Variants in CTTNBP2 observed in about 807,000 individuals in gnomAD.
CTTNBP2 encodes cortactin binding protein 2.
Under a neutral mutation model 156.9 loss-of-function variants are expected in CTTNBP2, and 108 were observed. That is an observed-to-expected ratio of 0.69 (90% CI 0.59 to 0.81). CTTNBP2 has a LOEUF of 0.81. Among genes scored for constraint, CTTNBP2 ranks in the 30% least tolerant of loss-of-function variants. The pLI is 0.00. For missense variants in CTTNBP2, 1,924 were observed against 2,035.4 expected (o/e 0.95, Z 1.05); for synonymous variants, 767 against 751.8 (o/e 1.02, Z -0.33).
intron 2 of CTTNBP2, among the ~76,000 whole-genome samples, chr7:117,832,716 T>C (rs2117085852): frequency 6.7e-6 from 1 of 150,346 alleles, no homozygotes; most frequent in Non-Finnish European, 1.5e-5. Context: ...CCAATCAATC[T>C]ATAGCCCTTC....
intron 8 of CTTNBP2, among the ~76,000 whole-genome samples, chr7:117,771,981 C>T (rs192535605): frequency 7.3e-4 from 111 of 152,172 alleles, no homozygotes; most frequent in African/African-American, 2.5e-3. Flanking sequence ...GCACATTGGC[C>T]GGTCACACGT....
chr7:117,712,884 A>G (rs1284290140), intron 22 of CTTNBP2, among the ~76,000 whole-genome samples: 1 of 152,056 alleles, frequency 6.6e-6, no homozygotes, highest in Non-Finnish European at 1.5e-5. Flanking sequence ...CTTTTTCTCC[A>G]TTGAGCAATT....
chr7:117,813,737 A>G (rs755336084), intron 2 of CTTNBP2, among the ~76,000 whole-genome samples: 9 of 152,138 alleles, frequency 5.9e-5, no homozygotes, highest in Non-Finnish European at 8.8e-5. Flanking sequence ...GTCATTCAAA[A>G]GTCTCTCTGA....
chr7:117,788,859 G>A (rs1388415013), intron 4 of CTTNBP2, among the ~76,000 whole-genome samples: 2 of 152,068 alleles, frequency 1.3e-5, no homozygotes, highest in Non-Finnish European at 2.9e-5. Context: ...ATAGAAACTG[G>A]TTATTCTACC....
At chr7:117,851,361 T>A (rs913250918) in intron 2 of CTTNBP2, among the ~76,000 whole-genome samples, 1 of 152,062 alleles carries the variant, frequency 6.6e-6, no homozygotes, top group Non-Finnish European at 1.5e-5. Context: ...TCTATTCAAG[T>A]CCTGTTAATA....
chr7:117,872,016 G>A (rs1490995737), intron 1 of CTTNBP2: 2 of 958,058 alleles, frequency 2.1e-6, no homozygotes. Context: ...CACATAAGTG[G>A]GCAGGTTTCG....
At chr7:117,825,932 T>A (rs1161760319) in intron 2 of CTTNBP2, among the ~76,000 whole-genome samples, 1 of 152,156 alleles carries the variant, frequency 6.6e-6, no homozygotes, top group Admixed American at 6.5e-5. Context: ...AAATGGGAAA[T>A]GGGAAGCCAC....
rs768638495 is a variant in CTTNBP2 at position 117,735,018 on chromosome 7, G to C, written c.3771C>G (p.Ser1257=). ...GTIAKACLQG[S]DLLVQQHFRW... is the part of the protein sequence containing the mutation. ...GGAAATGCTGCTGCACCAGCAAGTC[G>C]GAGCCCTGGAGACAGGCCTTGGCGA... The change falls in exon 16 of 23, where the codon TCC becomes TCG. Residue 1257 remains serine (S), a synonymous_variant. Transcript: ENST00000160373. The C allele has an allele frequency of 9.3e-6, 15 of 1,614,200 alleles. No homozygotes were observed. The highest frequency in any genetic ancestry group is 1.3e-5 in the Non-Finnish European group (15 of 1,180,028).
Position 117,725,138 on chromosome 7 carries a change from C to T in CTTNBP2, c.4175G>A (p.Ser1392Asn). 2 of 1,613,566 alleles carry T rather than the reference C, an allele frequency of 1.2e-6. No individual in the cohort carries two copies. The highest frequency in any genetic ancestry group is 1.8e-4 in the Middle Eastern group (1 of 5,558). ...FGQTTAKRHP[S>N]QGQQAVVKAA... Reference sequence around the variant, plus strand: ...TTTGACCACAGCCTGCTGTCCTTGGCTAGGGTGTCTTTTAGCAGTTGTCTG... The same window carrying T: ...TTTGACCACAGCCTGCTGTCCTTGGTTAGGGTGTCTTTTAGCAGTTGTCTG... The change falls in exon 18 of 23, where the codon AGC becomes AAC. Residue 1392 changes from serine (S) to asparagine (N), a missense_variant. Physicochemically the swap from Ser to Asn is conservative, Grantham distance 46 (BLOSUM62 1). Coordinates refer to ENST00000160373, the MANE Select transcript of CTTNBP2 (RefSeq NM_033427.3).
At chr7:117,856,698 GA>G (rs931769955) in intron 2 of CTTNBP2, among the ~76,000 whole-genome samples, 12 of 152,074 alleles carry the variant, frequency 7.9e-5, no homozygotes, top group African/African-American at 2.9e-4. Context: ...AATCTAAAAG[GA>G]AAAAGGCACA....
chr7:117,774,015 A>G (rs1797959909), intron 8 of CTTNBP2, among the ~76,000 whole-genome samples: 1 of 152,178 alleles, frequency 6.6e-6, no homozygotes, highest in African/African-American at 2.4e-5. Context: ...GCAATCTCCT[A>G]AATTTGTTTC....
At chr7:117,744,760 G>C (rs1248286323) in intron 14 of CTTNBP2, among the ~76,000 whole-genome samples, 1 of 152,084 alleles carries the variant, frequency 6.6e-6, no homozygotes, top group Non-Finnish European at 1.5e-5. Flanking sequence ...AGCTGGAAGT[G>C]CTGGGGCGTG....
chr7:117,735,248 TG>T lies in CTTNBP2; in HGVS notation c.3688+20del. The T allele has an allele frequency of 6.2e-7, 1 of 1,608,972 alleles. No individual in the cohort carries two copies. Among genetic ancestry groups the T allele is most frequent in the Non-Finnish European group, 8.5e-7 (1 of 1,178,830 alleles). ...TATTACAGAAGCTTGCTTCTCAGCA[TG>T]GTCCCTTTATTAGCGTTACCTTTTT... On this transcript the variant is annotated intron_variant, in intron 15 of 22. Coordinates refer to ENST00000160373, the MANE Select transcript of CTTNBP2 (RefSeq NM_033427.3).
chr7:117,771,550 T>A (rs1170912409), intron 8 of CTTNBP2, among the ~76,000 whole-genome samples: 1 of 152,096 alleles, frequency 6.6e-6, no homozygotes, highest in South Asian at 2.1e-4. Context: ...CATGAGGATG[T>A]GTTTGGGAAG....
rs778987893 is a variant in CTTNBP2, at chr7:117,873,407, C to T, written c.9G>A (p.Thr3=). The stretch of plus-strand genomic sequence containing the variant: ...AGTCGGGCTCGCAGCTCGCGCCGTC[C>T]GTCGCCATCTTCCTGCTCTAGCGGA... MA[T]DGASCEPDLS... Residue 3 remains threonine (T), a synonymous_variant, in exon 1 of 23, where the codon ACG becomes ACA. Coordinates refer to ENST00000160373, the MANE Select transcript of CTTNBP2 (RefSeq NM_033427.3). The T allele has an allele frequency of 1.7e-5, 25 of 1,495,946 alleles. No homozygotes were observed. Among genetic ancestry groups the T allele is most frequent in the Admixed American group, 1.1e-4 (5 of 46,680 alleles). 92.7% of individuals were successfully genotyped at this position (1,495,946 alleles called of 1,614,324 possible).
At chr7:117,819,818 G>A (rs894977052) in intron 2 of CTTNBP2, among the ~76,000 whole-genome samples, 2 of 152,156 alleles carry the variant, frequency 1.3e-5, no homozygotes, top group Non-Finnish European at 2.9e-5. Flanking sequence ...TGGAGGTGTG[G>A]AAATTGTCAT....
At chr7:117,796,017 G>A (rs933717570) in intron 3 of CTTNBP2, among the ~76,000 whole-genome samples, 1 of 152,094 alleles carries the variant, frequency 6.6e-6, no homozygotes, top group African/African-American at 2.4e-5. Context: ...CCACTCAACT[G>A]ACTTAGTCTC....
At chr7:117,739,963 T>G (rs1397359339) in intron 14 of CTTNBP2, among the ~76,000 whole-genome samples, 1 of 151,834 alleles carries the variant, frequency 6.6e-6, no homozygotes, top group African/African-American at 2.4e-5. Context: ...TAGTGTTTAA[T>G]TTTTTTTTCT....
intron 3 of CTTNBP2, among the ~76,000 whole-genome samples, chr7:117,794,877 C>CTTTTTTTTT (rs755340586): frequency 3.4e-5 from 3 of 88,322 alleles, no homozygotes; most frequent in East Asian, 3.0e-4. Context: ...ATATGTATAT[C>CTTTTTTTTT]TTTTTTTTTT....
Sources: allele counts gnomAD v4.1 joint callset (sites outside exome capture counted in the v4.1 genomes callset), GRCh38; gene constraint gnomAD v4.1.1; transcripts MANE v1.5; gene names NCBI Gene and HGNC (gene_info 2026-07-23, HGNC 2026-07-21).